UBR3: variants seen among roughly 807,000 people sequenced by gnomAD.
UBR3 encodes the protein E3 ubiquitin-protein ligase UBR3.
Under a neutral mutation model 243.2 loss-of-function variants are expected in UBR3, and 85 were observed. That is an observed-to-expected ratio of 0.35 (90% CI 0.29 to 0.42). UBR3 has a LOEUF of 0.42. Ranked by LOEUF, UBR3 falls within the 10% of genes least tolerant of loss-of-function variation. The pLI is 1.00. For missense variants in UBR3, 1,686 were observed against 2,300.8 expected, an observed-to-expected ratio of 0.73 and a Z score of 5.47; for synonymous variants, 748 against 799.8, an observed-to-expected ratio of 0.94 and a Z score of 1.09.
chr2:169,895,132 G>A, intron 6 of UBR3, 49 bp from the exon 7 acceptor site: 2 of 1,452,302 alleles, frequency 1.4e-6, no homozygotes, highest in Non-Finnish European at 1.8e-6. Flanking sequence ...TATAAAATGA[G>A]ATGAGCAACT....
intron 5 of UBR3, among the ~76,000 whole-genome samples, chr2:169,890,585 A>ATATATATATATGTATATATATG (rs2084333964): frequency 1.9e-5 from 2 of 107,532 alleles, no homozygotes; most frequent in African/African-American, 3.6e-5. Context: ...ATATATGTAT[A>ATATATATATATGTATATATATG]TATATATGTA....
At chr2:169,956,300 T>TTTTA (rs1553519140) in intron 23 of UBR3, among the ~76,000 whole-genome samples, 3 of 147,046 alleles carry the variant, frequency 2.0e-5, no homozygotes, top group East Asian at 2.0e-4. Flanking sequence ...AACTAAAATG[T>TTTTA]TATATATATA....
chr2:169,827,760 G>A lies in UBR3; in HGVS notation c.253G>A (p.Ala85Thr). The change falls in exon 1 of 39, where the codon GCG becomes ACG. Residue 85 changes from alanine (A) to threonine (T), a missense_variant. Around this residue, in one of 8 missense-constraint regions of UBR3, gnomAD observed 145 missense variants for 243.8 expected, o/e 0.59. Transcript: ENST00000272793. Reference sequence around the variant, plus strand: ...GGCCGGAGGCGGGGGCGGTCCGGGGGCGGCCGAGGAGGAGGCCCTGGAGTG... The same window carrying A: ...GGCCGGAGGCGGGGGCGGTCCGGGGACGGCCGAGGAGGAGGCCCTGGAGTG... ...AAAGGGGGPGAAEEEALEWCK... is the reference protein window; with the variant it reads ...AAAGGGGGPGTAEEEALEWCK... The A allele has an allele frequency of 1.5e-6, 2 of 1,292,152 alleles. No homozygotes were observed. Among genetic ancestry groups the A allele is most frequent in the Non-Finnish European group, 9.8e-7 (1 of 1,017,628 alleles). The allele number at this position is 1,292,152 out of a possible 1,614,324, so 80.0% of individuals were successfully genotyped here. A position where few individuals can be genotyped will look rare whatever the true frequency, so the allele number is the denominator to read the frequency against.
intron 1 of UBR3, among the ~76,000 whole-genome samples, chr2:169,832,054 A>T (rs1006728812): frequency 2.0e-5 from 3 of 152,196 alleles, no homozygotes; most frequent in Admixed American, 1.3e-4. Flanking sequence ...ATGGAGAAGA[A>T]TCTTGAATCT....
At chr2:169,858,957 A>G (rs2082986736) in intron 1 of UBR3, among the ~76,000 whole-genome samples, 1 of 152,090 alleles carries the variant, frequency 6.6e-6, no homozygotes, top group South Asian at 2.1e-4. Flanking sequence ...TTTTTTACAA[A>G]AAGTCTCCTG....
At chr2:169,969,875 T>C (rs555161655) in intron 24 of UBR3, among the ~76,000 whole-genome samples, 96 of 150,682 alleles carry the variant, frequency 6.4e-4, no homozygotes, top group Middle Eastern at 3.5e-3. Context: ...GCCAGTACCA[T>C]GCTATTTTGA....
At chr2:169,960,234 A>T (rs2087503049) in intron 24 of UBR3, among the ~76,000 whole-genome samples, 1 of 134,774 alleles carries the variant, frequency 7.4e-6, no homozygotes. Context: ...GGGTGACAAG[A>T]GCAAAAAAAA....
At position 169,977,412 on chromosome 2, in the gene UBR3, A is replaced by G. The variant is rs1414567779; in HGVS notation, c.3635-9233A>G. ...TGCAAGCCGGGGGATGAGAAAAGCT[A>G]GTACCATGGTTCATTCCAAGTCTAA... On this transcript the variant is annotated intron_variant, in intron 24 of 38. Transcript: ENST00000272793. 3.3e-5 allele frequency among the ~76,000 whole-genome samples: 5 copies of G among 152,166 alleles called. No homozygotes were observed. In the South Asian group the frequency reaches 8.3e-4, roughly 25 times the overall value.
At chr2:170,026,622 C>T (rs983300926) in intron 30 of UBR3, among the ~76,000 whole-genome samples, 5 of 152,060 alleles carry the variant, frequency 3.3e-5, no homozygotes, top group African/African-American at 1.2e-4. Context: ...GAAATCACAG[C>T]ACGCTTATAA....
intron 30 of UBR3, among the ~76,000 whole-genome samples, chr2:170,028,599 AATT>A (rs999817274): frequency 6.4e-5 from 9 of 139,730 alleles, no homozygotes; most frequent in East Asian, 4.8e-4. Flanking sequence ...ATAATAATTA[AATT>A]ATTATTCTGT....
At chr2:170,006,525 G>A (rs922299057) in intron 27 of UBR3, among the ~76,000 whole-genome samples, 1 of 152,096 alleles carries the variant, frequency 6.6e-6, no homozygotes, top group Non-Finnish European at 1.5e-5. Flanking sequence ...CCCCTTAGAA[G>A]TCACTTTTTT....
intron 10 of UBR3, among the ~76,000 whole-genome samples, chr2:169,908,498 T>C (rs932198275): frequency 6.6e-6 from 1 of 152,228 alleles, no homozygotes. Flanking sequence ...ATTCAAAAAA[T>C]ATATGCCAGA....
rs1374763838 is a variant in UBR3 at position 169,896,578 on chromosome 2, A to C, written c.1308A>C (p.Ser436=). Residue 436 remains serine (S), a synonymous_variant, in exon 8 of 39, where the codon TCA becomes TCC. Coordinates refer to ENST00000272793, the MANE Select transcript of UBR3 (RefSeq NM_172070.4). ...IMKTLKKSHE[S]DTMSNRIVHI... is the part of the protein sequence containing the mutation. The stretch of plus-strand genomic sequence containing the variant: ...AAACACTGAAGAAAAGTCATGAATC[A>C]GACACAATGTCTAACAGAATTGTGC... 2 of 1,550,554 alleles carry C rather than the reference A, an allele frequency of 1.3e-6. No individual in the cohort carries two copies. Among genetic ancestry groups the C allele is most frequent in the Non-Finnish European group, 1.7e-6 (2 of 1,146,396 alleles).
intron 1 of UBR3, among the ~76,000 whole-genome samples, chr2:169,842,938 C>T (rs893433478): frequency 6.6e-6 from 1 of 152,172 alleles, no homozygotes; most frequent in Non-Finnish European, 1.5e-5. Context: ...TACGATATTC[C>T]TCATTTCTGT....
At chr2:169,872,183 TA>T (rs1648311823) in intron 1 of UBR3, 52 bp from the exon 2 acceptor site, 1 of 1,218,226 alleles carries the variant, frequency 8.2e-7, no homozygotes, top group African/African-American at 1.6e-5. Context: ...AGAAATAATA[TA>T]TTTTTAGCTG....
intron 25 of UBR3, among the ~76,000 whole-genome samples, chr2:169,993,750 A>G (rs939661862): frequency 6.6e-6 from 1 of 152,096 alleles, no homozygotes; most frequent in African/African-American, 2.4e-5. Context: ...TTACCCTTTT[A>G]TTTGATTTTC....
intron 23 of UBR3, among the ~76,000 whole-genome samples, chr2:169,954,697 C>T (rs1162570236): frequency 2.6e-5 from 4 of 151,832 alleles, no homozygotes; most frequent in African/African-American, 4.8e-5. Flanking sequence ...GCCTCAGCCT[C>T]CCGAGTAGCT....
chr2:169,890,581 G>GTATATATATATACATA (rs1207236594), intron 5 of UBR3, among the ~76,000 whole-genome samples: 1 of 96,528 alleles, frequency 1.0e-5, no homozygotes, highest in African/African-American at 5.0e-5. Context: ...ATATATATAT[G>GTATATATATATACATA]TATATATATA....
intron 31 of UBR3, among the ~76,000 whole-genome samples, chr2:170,040,148 A>G (rs1338603639): frequency 2.0e-5 from 3 of 152,112 alleles, no homozygotes; most frequent in African/African-American, 7.2e-5. Context: ...TTATTTTATT[A>G]TTAATTTTGA....
Sources: allele counts gnomAD v4.1 joint callset (sites outside exome capture counted in the v4.1 genomes callset), GRCh38; gene constraint gnomAD v4.1.1; regional missense constraint gnomAD v4.1.1; transcripts MANE v1.5; gene names NCBI Gene and HGNC (gene_info 2026-07-23, HGNC 2026-07-21).